The following TBX15 variants were observed in gnomAD, a reference collection of about 807,000 sequenced individuals.
The protein encoded by TBX15 is T-box transcription factor 15.
TBX15 carries 18 observed loss-of-function variants against 53.9 expected under a neutral mutation model. That is an observed-to-expected ratio of 0.33 (90% CI 0.23 to 0.49). TBX15 has a LOEUF of 0.49. TBX15 is among the 20% of genes least tolerant of loss of function. The pLI is 0.98. For synonymous variants in TBX15, 295 were observed against 278.0 expected, an observed-to-expected ratio of 1.06 and a Z score of -0.61; for missense variants, 692 against 749.5, an observed-to-expected ratio of 0.92 and a Z score of 0.90.
chr1:118,889,617 C>A (rs1215215750), intron 7 of TBX15, among the ~76,000 whole-genome samples: 1 of 152,110 alleles, frequency 6.6e-6, no homozygotes, highest in Non-Finnish European at 1.5e-5. Flanking sequence ...TCCAAAAAAC[C>A]CAGTTCCAAT....
intron 6 of TBX15, among the ~76,000 whole-genome samples, chr1:118,911,457 C>T (rs1428530079): frequency 6.6e-6 from 1 of 152,208 alleles, no homozygotes; most frequent in African/African-American, 2.4e-5. Context: ...AGGACACACA[C>T]ATAACTGTCT....
intron 7 of TBX15, among the ~76,000 whole-genome samples, chr1:118,895,164 C>A (rs1279130372): frequency 6.6e-6 from 1 of 152,174 alleles, no homozygotes; most frequent in African/African-American, 2.4e-5. Flanking sequence ...AAAATTCAAT[C>A]ATCAACAGAG....
At chr1:118,986,159 C>T (rs1176032879) in intron 1 of TBX15, among the ~76,000 whole-genome samples, 3 of 152,284 alleles carry the variant, frequency 2.0e-5, no homozygotes, top group Non-Finnish European at 4.4e-5. Flanking sequence ...GAACTTCTAA[C>T]TGTATGAAGG....
chr1:118,912,658 A>G (rs910674615), intron 6 of TBX15, among the ~76,000 whole-genome samples: 5 of 152,216 alleles, frequency 3.3e-5, no homozygotes, highest in Admixed American at 2.0e-4. Flanking sequence ...TTGCAAGCAC[A>G]TTCTGCTGAC....
chr1:118,971,985 G>A (rs1037180753), intron 1 of TBX15, among the ~76,000 whole-genome samples: 1 of 152,248 alleles, frequency 6.6e-6, no homozygotes, highest in African/African-American at 2.4e-5. Context: ...GTTACTTGGT[G>A]AAGACCTCCT....
intron 1 of TBX15, among the ~76,000 whole-genome samples, chr1:118,943,299 G>A (rs1325946): frequency 0.54 from 82,082 of 151,960 alleles, 22,381 homozygotes; most frequent in East Asian, 0.59. Flanking sequence ...AATATAGAAT[G>A]GGAAAAGATC....
At chr1:118,923,627 C>T in intron 4 of TBX15, 24 bp from the exon 5 acceptor site, 1 of 1,613,638 alleles carries the variant, frequency 6.2e-7, no homozygotes, top group Non-Finnish European at 8.5e-7. Context: ...GGGAATTGTA[C>T]CAGGCTTGGC....
chr1:118,924,989 C>A (rs1655546248), intron 3 of TBX15, among the ~76,000 whole-genome samples, 172 bp from the exon 4 acceptor site: 1 of 151,958 alleles, frequency 6.6e-6, no homozygotes, highest in Non-Finnish European at 1.5e-5. Flanking sequence ...GGGCAGATAA[C>A]CAGGGAAATG....
intron 1 of TBX15, among the ~76,000 whole-genome samples, chr1:118,976,436 TG>T (rs1343490147): frequency 6.6e-6 from 1 of 152,228 alleles, no homozygotes; most frequent in African/African-American, 2.4e-5. Flanking sequence ...AGACAAAGAA[TG>T]AATCCTTCTA....
intron 2 of TBX15, among the ~76,000 whole-genome samples, chr1:118,930,416 GTTTA>G (rs1173163524): frequency 6.6e-6 from 1 of 152,008 alleles, no homozygotes; most frequent in African/African-American, 2.4e-5. Flanking sequence ...TTATTTGTTT[GTTTA>G]TTTATTTATT....
chr1:118,889,660 T>C (rs1035285428), intron 7 of TBX15, among the ~76,000 whole-genome samples: 5 of 152,350 alleles, frequency 3.3e-5, no homozygotes, highest in South Asian at 4.1e-4. Context: ...GACAGAACCT[T>C]AGCAAGTTAG....
At chr1:118,971,115 GA>G (rs1279548659) in intron 1 of TBX15, among the ~76,000 whole-genome samples, 9 of 152,142 alleles carry the variant, frequency 5.9e-5, no homozygotes, top group Admixed American at 5.9e-4. Context: ...AAACAAATAG[GA>G]AAAGAGGAGG....
intron 1 of TBX15, among the ~76,000 whole-genome samples, chr1:118,985,732 G>A (rs76720880): frequency 0.031 from 4,761 of 152,204 alleles, 236 homozygotes; most frequent in African/African-American, 0.11. Context: ...TAACGTAATG[G>A]GAAATGACCA....
chr1:118,981,303 T>TACACACACAC (rs35594301), intron 1 of TBX15, among the ~76,000 whole-genome samples: 1,986 of 146,804 alleles, frequency 0.014, 23 homozygotes, highest in Non-Finnish European at 0.018. Context: ...TTAAACTAGC[T>TACACACACAC]ACACACACAC....
intron 1 of TBX15, among the ~76,000 whole-genome samples, chr1:118,948,506 G>T (rs912143966): frequency 3.9e-5 from 6 of 152,148 alleles, no homozygotes; most frequent in Non-Finnish European, 7.3e-5. Flanking sequence ...AGAAACCTCA[G>T]GTTTTACATA....
chr1:118,910,940 C>A (rs1359688697), intron 6 of TBX15, among the ~76,000 whole-genome samples: 1 of 152,128 alleles, frequency 6.6e-6, no homozygotes, highest in Non-Finnish European at 1.5e-5. Flanking sequence ...TGAGAATATA[C>A]AGTTTGATTT....
intron 1 of TBX15, among the ~76,000 whole-genome samples, chr1:118,964,276 C>A (rs1656969633): frequency 6.6e-6 from 1 of 152,238 alleles, no homozygotes; most frequent in African/African-American, 2.4e-5. Context: ...CATTTCTTAT[C>A]TTTCCCCATT....
rs1229085825 is a variant in TBX15 at position 118,987,820 on chromosome 1, C to T, written c.-25G>A. 2 of 1,546,158 alleles carry T rather than the reference C, an allele frequency of 1.3e-6. No individual in the cohort carries two copies. The highest frequency in any genetic ancestry group is 1.2e-5 in the South Asian group (1 of 83,964). Reference sequence around the variant, plus strand: ...TTTTAGCCGCCCACACCCCTGCCTCCGCTTGCCCCCGCTACCGAGGGAGCA... The same window carrying T: ...TTTTAGCCGCCCACACCCCTGCCTCTGCTTGCCCCCGCTACCGAGGGAGCA... On this transcript the variant is annotated 5_prime_UTR_variant, in exon 1 of 8. Transcript: ENST00000369429.
Position 118,885,369 on chromosome 1 carries a change from A to G in TBX15, c.1172T>C (p.Leu391Pro), listed in dbSNP as rs1653902665. The G allele has an allele frequency of 1.2e-6, 2 of 1,614,010 alleles. No homozygotes were observed. The highest frequency in any genetic ancestry group is 1.7e-6 in the Non-Finnish European group (2 of 1,180,040). ...ATAATCAGAGAGGTTTAGATTACACAGCTGGCTTTCTCGGCAGCCCACATT... is the reference window on the plus strand; with the variant it reads ...ATAATCAGAGAGGTTTAGATTACACGGCTGGCTTTCTCGGCAGCCCACATT... ...TFNVGCRESQ[L>P]CNLNLSDYPP... The change falls in exon 8 of 8, where the codon CTG becomes CCG. Residue 391 changes from leucine to proline, a missense_variant. This residue lies in a region of TBX15 where 375 missense variants were observed against 371.6 expected (regional missense o/e 1.01). Transcript: ENST00000369429.
Sources: allele counts gnomAD v4.1 joint callset (sites outside exome capture counted in the v4.1 genomes callset), GRCh38; gene constraint gnomAD v4.1.1; regional missense constraint gnomAD v4.1.1; transcripts MANE v1.5; gene names NCBI Gene and HGNC (gene_info 2026-07-23, HGNC 2026-07-21).